Variants in PCM1 observed in about 807,000 individuals in gnomAD.
PCM1 encodes the protein pericentriolar material 1 protein.
A neutral mutation model predicts 241.9 loss-of-function variants in PCM1; 157 were observed. That is an observed-to-expected ratio of 0.65 (90% confidence interval 0.57 to 0.74). The LOEUF (loss-of-function observed/expected upper bound fraction) is 0.74. PCM1 is among the 30% of genes least tolerant of loss of function. PCM1 has a pLI of 0.00. For missense variants in PCM1, 3,478 were observed against 2,360.1 expected, an observed-to-expected ratio of 1.47 and a Z score of -9.81; for synonymous variants, 1,085 against 784.9, an observed-to-expected ratio of 1.38 and a Z score of -6.39.
At chr8:17,942,030 C>T (rs1040984957) in intron 6 of PCM1, among the ~76,000 whole-genome samples, 1 of 152,010 alleles carries the variant, frequency 6.6e-6, no homozygotes, top group African/African-American at 2.4e-5. Flanking sequence ...TATACCTCTC[C>T]ATGGATTATA....
chr8:18,018,353 A>C (rs1323091025), intron 36 of PCM1, among the ~76,000 whole-genome samples: 1 of 152,220 alleles, frequency 6.6e-6, no homozygotes, highest in Non-Finnish European at 1.5e-5. Flanking sequence ...TTGTTTCTCA[A>C]CTGACAAAGG....
At chr8:18,013,703 G>A in intron 34 of PCM1, 1 of 321,858 alleles carries the variant, frequency 3.1e-6, no homozygotes, top group Non-Finnish European at 5.6e-6. Context: ...TTTAGAGTCT[G>A]AAAAAAAATG....
At chr8:17,974,233 G>T (rs2077857706) in intron 23 of PCM1, among the ~76,000 whole-genome samples, 1 of 152,154 alleles carries the variant, frequency 6.6e-6, no homozygotes, top group African/African-American at 2.4e-5. Flanking sequence ...GATTACTGTT[G>T]GTGCTACCAG....
At chr8:17,992,903 C>T (rs1035485758) in intron 28 of PCM1, among the ~76,000 whole-genome samples, 6 of 150,334 alleles carry the variant, frequency 4.0e-5, no homozygotes, top group Non-Finnish European at 8.9e-5. Flanking sequence ...AACTGTGAGA[C>T]ACCACACTTG....
intron 15 of PCM1, 90 bp from the exon 16 acceptor site, chr8:17,961,944 G>C: frequency 9.1e-7 from 1 of 1,104,206 alleles, no homozygotes; most frequent in Non-Finnish European, 1.3e-6. Flanking sequence ...TGGCACTAGA[G>C]CCTTAGTGCC....
At chr8:17,944,609 T>C (rs967344656) in intron 6 of PCM1, among the ~76,000 whole-genome samples, 11 of 152,108 alleles carry the variant, frequency 7.2e-5, no homozygotes, top group African/African-American at 2.4e-4. Flanking sequence ...AAGAAAAATA[T>C]GTGTTTGAAG....
In PCM1 at chr8:17,963,149, C is replaced by A; in HGVS notation, c.2512C>A (p.Gln838Lys). Residue 838 changes from glutamine to lysine, a missense_variant, in exon 17 of 39, where the codon CAG becomes AAG. Physicochemically the swap from Gln to Lys is moderately conservative, Grantham distance 53. Transcript: ENST00000325083. ...RHEMLREELR[Q>K]RRKQLEALMA... ...TGAAATGTTGAGGGAGGAGCTGCGACAGAGAAGAAAGCAGCTTGAAGCTCT... is the reference window on the plus strand; with the variant it reads ...TGAAATGTTGAGGGAGGAGCTGCGAAAGAGAAGAAAGCAGCTTGAAGCTCT... The A allele has an allele frequency of 6.2e-7, 1 of 1,613,408 alleles. No homozygotes were observed. The highest frequency in any genetic ancestry group is 8.5e-7 in the Non-Finnish European group (1 of 1,179,610).
chr8:18,000,905 G>C (rs2089161710), intron 29 of PCM1, among the ~76,000 whole-genome samples: 2 of 152,184 alleles, frequency 1.3e-5, no homozygotes. Flanking sequence ...CACTGTGCCA[G>C]CCAAGAGTTT....
At chr8:17,957,981 G>C (rs2069460682) in intron 13 of PCM1, among the ~76,000 whole-genome samples, 1 of 152,178 alleles carries the variant, frequency 6.6e-6, no homozygotes, top group South Asian at 2.1e-4. Context: ...GATAGTTGCG[G>C]CTTTGTGGCG....
At chr8:17,965,036 T>C (rs2074279300) in intron 18 of PCM1, among the ~76,000 whole-genome samples, 1 of 152,192 alleles carries the variant, frequency 6.6e-6, no homozygotes, top group Non-Finnish European at 1.5e-5. Flanking sequence ...TGGGAGTTCT[T>C]ACAATCCCCT....
intron 1 of PCM1, among the ~76,000 whole-genome samples, chr8:17,923,689 A>T (rs1429386093): frequency 6.6e-6 from 1 of 151,460 alleles, no homozygotes; most frequent in African/African-American, 2.4e-5. Context: ...GACTCTGAAG[A>T]GTTGCAGTTG....
In PCM1 at chr8:17,960,042, C is replaced by A. The variant is rs776546666; in HGVS notation, c.2069C>A (p.Ser690Tyr). 5 of 1,612,818 alleles carry A rather than the reference C, an allele frequency of 3.1e-6. No homozygotes were observed. Among genetic ancestry groups the A allele is most frequent in the Non-Finnish European group, 4.2e-6 (5 of 1,179,484 alleles). The change falls in exon 14 of 39, where the codon TCT becomes TAT. Residue 690 changes from serine (S) to tyrosine (Y), a missense_variant. By Grantham distance (144) the Ser-to-Tyr change is moderately radical (BLOSUM62 -2). Coordinates refer to ENST00000325083, the MANE Select transcript of PCM1 (RefSeq NM_006197.4). ...QDDDAAQGVISASASNLDDFY... is the reference protein window; with the variant it reads ...QDDDAAQGVIYASASNLDDFY... ...GATGATGCAGCTCAAGGAGTTATCT[C>A]TGCCAGTGCATCAAATTTGGATGAT...
rs367995490 is a variant in PCM1 at position 18,014,737 on chromosome 8, C to G, written c.5738C>G (p.Pro1913Arg). ...PLPLRLPEME[P>R]LVPRVKEVKS... ...CCGTTACGTTTACCTGAAATGGAAC[C>G]CTTAGTGCCTAGAGTCAAAGAAGTT... is the stretch of plus-strand genomic sequence containing the variant. Residue 1913 changes from proline to arginine, a missense_variant, in exon 36 of 39, where the codon CCC becomes CGC. Transcript: ENST00000325083. 2 of 1,613,400 alleles carry G rather than the reference C, an allele frequency of 1.2e-6. No individual in the cohort carries two copies. Among genetic ancestry groups the G allele is most frequent in the South Asian group, 1.1e-5 (1 of 91,044 alleles).
chr8:17,946,604 C>T (rs765020928), intron 6 of PCM1, among the ~76,000 whole-genome samples: 1 of 151,964 alleles, frequency 6.6e-6, no homozygotes, highest in African/African-American at 2.4e-5. Flanking sequence ...TCAAGCGATT[C>T]TCTTGCCTCA....
intron 6 of PCM1, among the ~76,000 whole-genome samples, chr8:17,942,791 C>T (rs562660386): frequency 6.8e-4 from 104 of 152,152 alleles, no homozygotes; most frequent in African/African-American, 2.0e-3. Flanking sequence ...GTCAGGAGAT[C>T]GAGACCAGTC....
Position 17,955,539 on chromosome 8 carries a change from T to A in PCM1, c.1358T>A (p.Val453Asp). The change falls in exon 10 of 39, where the codon GTT becomes GAT. Residue 453 changes from valine (V) to aspartate (D), a missense_variant. Physicochemically the swap from Val to Asp is radical, Grantham distance 152. Coordinates refer to ENST00000325083, the MANE Select transcript of PCM1 (RefSeq NM_006197.4). ...APSASVGLAP[V>D]VNGESNSLTS... The stretch of plus-strand genomic sequence containing the variant: ...TCTGCTTCTGTAGGCTTGGCACCGG[T>A]TGTCAATGGAGAATCCAATAGCCTC... 1 of 1,613,766 alleles carries A rather than the reference T, an allele frequency of 6.2e-7. No homozygotes were observed. The highest frequency in any genetic ancestry group is 8.5e-7 in the Non-Finnish European group (1 of 1,179,736).
In PCM1 at chr8:17,980,604, C is replaced by T. The variant is rs1318212058; in HGVS notation, c.3957C>T (p.Ala1319=). 1 of 1,591,756 alleles carries T rather than the reference C, an allele frequency of 6.3e-7. No individual in the cohort carries two copies. The highest frequency in any genetic ancestry group is 1.8e-5 in the Admixed American group (1 of 55,234). ...TTTTTACTCAAGGGTATGAAAGTGC[C>T]AGTATGTCTAGCACATGTGAACCTT... is the stretch of plus-strand genomic sequence containing the variant. ...SRVKNIRYES[A]SMSSTCEPCK... Residue 1319 remains alanine, a synonymous_variant, in exon 24 of 39, where the codon GCC becomes GCT. Coordinates refer to ENST00000325083, the MANE Select transcript of PCM1 (RefSeq NM_006197.4).
chr8:17,954,215 G>A (rs1393850855), intron 9 of PCM1, among the ~76,000 whole-genome samples: 2 of 152,090 alleles, frequency 1.3e-5, no homozygotes, highest in South Asian at 2.1e-4. Context: ...ATCACCTGAG[G>A]TCGGGAGTTC....
chr8:17,966,066 A>G lies in PCM1; in HGVS notation c.2923A>G (p.Asn975Asp). Residue 975 changes from asparagine to aspartate, a missense_variant, in exon 19 of 39, where the codon AAT (asparagine) becomes GAT (aspartate). Physicochemically the swap from Asn to Asp is conservative, Grantham distance 23 (BLOSUM62 1). Transcript: ENST00000325083. ...YRPLAKTRQQ[N>D]ISMQRQENLR... is the part of the protein sequence containing the mutation. The stretch of plus-strand genomic sequence containing the variant: ...TCCTTTAGCCAAGACAAGGCAACAG[A>G]ATATCAGCATGCAACGGCAAGAAAA... 3 of 1,613,978 alleles carry G rather than the reference A, an allele frequency of 1.9e-6. No homozygotes were observed. The highest frequency in any genetic ancestry group is 1.7e-6 in the Non-Finnish European group (2 of 1,179,866).
Sources: allele counts gnomAD v4.1 joint callset (sites outside exome capture counted in the v4.1 genomes callset), GRCh38; gene constraint gnomAD v4.1.1; transcripts MANE v1.5; gene names NCBI Gene and HGNC (gene_info 2026-07-23, HGNC 2026-07-21).